The following LUC7L2 variants were observed in gnomAD, a reference collection of about 807,000 sequenced individuals.
The protein encoded by LUC7L2 is LUC7 like 2, pre-mRNA splicing factor, also known as putative RNA-binding protein Luc7-like 2.
In LUC7L2, 25 loss-of-function variants were observed where a neutral mutation model predicts 52.8. That is an observed-to-expected ratio of 0.47 (90% CI 0.34 to 0.66). The LOEUF (loss-of-function observed/expected upper bound fraction) is 0.66, where lower values mean the gene tolerates loss of function less well. LUC7L2 is among the 30% of genes least tolerant of loss of function. The pLI is 0.01. For missense variants in LUC7L2, 328 were observed against 497.8 expected (o/e 0.66, Z 3.25); for synonymous variants, 144 against 160.9 (o/e 0.89, Z 0.80).
chr7:139,360,232 C>T lies in LUC7L2; in HGVS notation c.-30C>T. 1 of 1,539,440 alleles carries T rather than the reference C, an allele frequency of 6.5e-7. No homozygotes were observed. Among genetic ancestry groups the T allele is most frequent in the Non-Finnish European group, 8.8e-7 (1 of 1,140,572 alleles). On this transcript the variant is annotated 5_prime_UTR_variant, in exon 1 of 10. Coordinates refer to ENST00000354926, the MANE Select transcript of LUC7L2 (RefSeq NM_016019.5). The stretch of plus-strand genomic sequence containing the variant: ...CAAAAGGGCCCGGTCTGCGCCCCAC[C>T]CCCGCCCGTCCGCCCGCTACGCCGC...
chr7:139,387,544 G>C (rs1362580879), intron 2 of LUC7L2, among the ~76,000 whole-genome samples: 1 of 152,006 alleles, frequency 6.6e-6, no homozygotes, highest in Non-Finnish European at 1.5e-5. Flanking sequence ...GGAAACAAAA[G>C]AAACAAATGG....
intron 1 of LUC7L2, among the ~76,000 whole-genome samples, chr7:139,369,836 C>T (rs1278391536): frequency 1.3e-5 from 2 of 152,092 alleles, no homozygotes; most frequent in African/African-American, 2.4e-5. Context: ...GTACCTATTT[C>T]TGATTATAAA....
At chr7:139,357,960 G>GA (rs1799657495), upstream of LUC7L2, among the ~76,000 whole-genome samples, 1 of 151,864 alleles carries the variant, frequency 6.6e-6, no homozygotes, top group African/African-American at 2.4e-5. Flanking sequence ...AAAGTGCTGG[G>GA]ATTCCAGGTG....
rs1554397384 is a variant in LUC7L2 at position 139,412,536 on chromosome 7, AT to A, written c.780-3del. On this transcript the variant is annotated splice_polypyrimidine_tract_variant and intron_variant, in intron 7 of 9. Coordinates refer to ENST00000354926, the MANE Select transcript of LUC7L2 (RefSeq NM_016019.5). The stretch of plus-strand genomic sequence containing the variant: ...TATAGCCACTTTTCTAAAAATACAT[AT>A]TTTTTTTTTTTAGGTCCCGATCACA... The A allele has an allele frequency of 0.099, 111,814 of 1,128,684 alleles. No homozygotes were observed. The highest frequency in any genetic ancestry group is 0.13 in the South Asian group (8,174 of 65,056). The allele number at this position is 1,128,684 out of a possible 1,614,324, so 69.9% of individuals were successfully genotyped here.
chr7:139,370,312 A>C (rs759240726), intron 1 of LUC7L2, among the ~76,000 whole-genome samples: 5 of 152,234 alleles, frequency 3.3e-5, no homozygotes, highest in African/African-American at 4.8e-5. Flanking sequence ...CTAAAGGAAC[A>C]ACAAAGGTAG....
chr7:139,345,504 A>C, intron 1 of LUC7L2: 1 of 1,614,200 alleles, frequency 6.2e-7, no homozygotes, highest in East Asian at 2.2e-5. Flanking sequence ...TCTCTAGGTC[A>C]CCAGTGAAAA....
intron 1 of LUC7L2, among the ~76,000 whole-genome samples, chr7:139,347,342 C>G (rs1799300641): frequency 8.4e-6 from 1 of 119,632 alleles, no homozygotes; most frequent in Non-Finnish European, 1.6e-5. Context: ...AATCCCAGGA[C>G]TTTGGGAAGC....
chr7:139,409,817 A>T (rs945679694), intron 7 of LUC7L2, among the ~76,000 whole-genome samples, 163 bp downstream of exon 7: 1 of 152,250 alleles, frequency 6.6e-6, no homozygotes, highest in Non-Finnish European at 1.5e-5. Flanking sequence ...ATGTTTAATT[A>T]TACAAGTATC....
At chr7:139,340,698 A>G (rs919915436) in intron 1 of LUC7L2, 5 of 391,958 alleles carry the variant, frequency 1.3e-5, no homozygotes, top group East Asian at 1.1e-4. Context: ...TCGTTTGCAG[A>G]AGCCCCAGTG....
intron 9 of LUC7L2, among the ~76,000 whole-genome samples, chr7:139,419,793 T>A (rs938256549): frequency 6.6e-6 from 1 of 152,228 alleles, no homozygotes; most frequent in Non-Finnish European, 1.5e-5. Flanking sequence ...ATAAAGAGGA[T>A]TATTTTTGTA....
chr7:139,354,440 C>A (rs1220992848), intron 1 of LUC7L2, among the ~76,000 whole-genome samples: 1 of 152,178 alleles, frequency 6.6e-6, no homozygotes, highest in African/African-American at 2.4e-5. Context: ...TGGCTCATTG[C>A]AACCTCCGCC....
At chr7:139,404,749 G>A (rs1795049007) in intron 4 of LUC7L2, among the ~76,000 whole-genome samples, 1 of 152,202 alleles carries the variant, frequency 6.6e-6, no homozygotes, top group South Asian at 2.1e-4. Context: ...GAGTTGCCAG[G>A]CGAGTATGCT....
chr7:139,400,222 A>ACTGTAATCCCAGCACTTTGGGAGG (rs1404734277), intron 3 of LUC7L2, among the ~76,000 whole-genome samples: 7 of 152,042 alleles, frequency 4.6e-5, no homozygotes, highest in African/African-American at 1.7e-4. Flanking sequence ...TAATCCCAGC[A>ACTGTAATCCCAGCACTTTGGGAGG]CTGTAATCCC....
intron 3 of LUC7L2, among the ~76,000 whole-genome samples, chr7:139,401,172 T>C (rs1484171198): frequency 6.6e-6 from 1 of 152,062 alleles, no homozygotes; most frequent in Non-Finnish European, 1.5e-5. Flanking sequence ...TGGTTTATTC[T>C]CTGAAAAAAG....
chr7:139,341,596 G>T, intron 1 of LUC7L2: 1 of 1,559,304 alleles, frequency 6.4e-7, no homozygotes, highest in Non-Finnish European at 8.7e-7. Flanking sequence ...AGGGTGGGGA[G>T]CACGGTGTTT....
At chr7:139,412,283 G>A (rs569425697) in intron 7 of LUC7L2, among the ~76,000 whole-genome samples, 7 of 151,686 alleles carry the variant, frequency 4.6e-5, no homozygotes, top group African/African-American at 4.8e-5. Flanking sequence ...TTAGCGTTTC[G>A]GAGAAGGAGT....
intron 2 of LUC7L2, among the ~76,000 whole-genome samples, chr7:139,394,942 C>A (rs1005473180): frequency 4.6e-5 from 7 of 152,128 alleles, no homozygotes; most frequent in Admixed American, 1.3e-4. Context: ...ACCTGGGGGG[C>A]TTTTACAATT....
intron 1 of LUC7L2, among the ~76,000 whole-genome samples, chr7:139,366,535 G>A (rs1423536915): frequency 6.6e-6 from 1 of 152,186 alleles, no homozygotes; most frequent in Non-Finnish European, 1.5e-5. Flanking sequence ...ATCAGGGACT[G>A]GCACTATGGC....
intron 7 of LUC7L2, 85 bp from the exon 8 acceptor site, chr7:139,412,466 A>T: frequency 6.7e-7 from 1 of 1,484,624 alleles, no homozygotes; most frequent in Non-Finnish European, 9.1e-7. Context: ...TGTAAACATT[A>T]GAAATCAGGA....
Sources: allele counts gnomAD v4.1 joint callset (sites outside exome capture counted in the v4.1 genomes callset), GRCh38; gene constraint gnomAD v4.1.1; transcripts MANE v1.5; gene names NCBI Gene and HGNC (gene_info 2026-07-23, HGNC 2026-07-21).